The following PARP8 variants were observed in gnomAD, a reference collection of about 807,000 sequenced individuals.
The protein encoded by PARP8 is protein mono-ADP-ribosyltransferase PARP8.
PARP8 carries 51 observed loss-of-function variants against 124.1 expected under a neutral mutation model. The observed-to-expected ratio is 0.41, with a 90% CI of 0.33 to 0.52. The LOEUF is 0.52. Among genes scored for constraint, PARP8 ranks in the 20% least tolerant of loss-of-function variants. The probability of loss-of-function intolerance (pLI) is 0.21; values close to 1 mark genes in which losing one functional copy is unlikely to be tolerated. For synonymous variants in PARP8, 391 were observed against 361.5 expected (o/e 1.08, Z -0.93); for missense variants, 860 against 1,018.9 (o/e 0.84, Z 2.12).
chr5:50,769,461 AGTT>A lies in PARP8; in HGVS notation c.518+6225_518+6227del, dbSNP rs1432463683. Among the ~76,000 whole-genome samples the A allele has an allele frequency of 7.2e-5, 11 of 152,240 alleles. No homozygotes were observed. In the Middle Eastern group the frequency reaches 0.01, roughly 141 times the overall value. On this transcript the variant is annotated intron_variant, in intron 7 of 25. Coordinates refer to ENST00000281631, the MANE Select transcript of PARP8 (RefSeq NM_024615.4). ...TGATAACCTGGCTGGTGTAATTATA[AGTT>A]GTTGTAACCATTTAAAAAGTAACTA...
At chr5:50,764,677 G>A (rs1467054789) in intron 7 of PARP8, among the ~76,000 whole-genome samples, 2 of 152,106 alleles carry the variant, frequency 1.3e-5, no homozygotes, top group Non-Finnish European at 2.9e-5. Context: ...CAAATTAGCT[G>A]CAATAATTTT....
rs1326299410 is a variant in PARP8 at position 50,684,988 on chromosome 5, C to G, written c.146+16863C>G. Among the ~76,000 whole-genome samples, 23 of 152,316 alleles carry G rather than the reference C, an allele frequency of 1.5e-4. No homozygotes were observed. In the East Asian group the frequency reaches 3.5e-3, roughly 23 times the overall value. ...CCACTTAGAAAACAGTTGCTTGAGA[C>G]TACTTCACTGTAAAGCTCCTTTTTT... is the stretch of plus-strand genomic sequence containing the variant. On this transcript the variant is annotated intron_variant, in intron 2 of 25. Transcript: ENST00000281631.
intron 2 of PARP8, among the ~76,000 whole-genome samples, chr5:50,743,088 C>T (rs1175639048): frequency 6.6e-6 from 1 of 152,068 alleles, no homozygotes; most frequent in Non-Finnish European, 1.5e-5. Flanking sequence ...GAAGGGGAGC[C>T]ATTCACTCCA....
chr5:50,821,447 A>C, intron 16 of PARP8, 109 bp downstream of exon 16: 21 of 1,187,516 alleles, frequency 1.8e-5, no homozygotes, highest in East Asian at 2.4e-5. Flanking sequence ...TCTCTATCTC[A>C]TCAAGCATAT....
Position 50,822,416 on chromosome 5 carries a change from G to T in PARP8, c.1860+16G>T. The T allele has an allele frequency of 6.4e-7, 1 of 1,569,514 alleles. No individual in the cohort carries two copies. The highest frequency in any genetic ancestry group is 8.8e-7 in the Non-Finnish European group (1 of 1,141,600). Reference sequence around the variant, plus strand: ...AATGACACAAGTAAGTATGTCATCTGGTCTTGTACAGTATATTTTTAAAAT... The same window carrying T: ...AATGACACAAGTAAGTATGTCATCTTGTCTTGTACAGTATATTTTTAAAAT... On this transcript the variant is annotated intron_variant, in intron 17 of 25. Coordinates refer to ENST00000281631, the MANE Select transcript of PARP8 (RefSeq NM_024615.4).
intron 9 of PARP8, among the ~76,000 whole-genome samples, chr5:50,779,299 A>G (rs1740398355): frequency 6.6e-6 from 1 of 151,946 alleles, no homozygotes; most frequent in African/African-American, 2.4e-5. Context: ...AAATCCTAAA[A>G]CTTAGTGGCT....
intron 17 of PARP8, among the ~76,000 whole-genome samples, chr5:50,824,145 G>A (rs764072554): frequency 2.6e-5 from 4 of 152,192 alleles, no homozygotes; most frequent in African/African-American, 7.2e-5. Context: ...AGAAGGCTTC[G>A]TCTTAGGTAA....
At chr5:50,763,053 T>C in intron 6 of PARP8, 95 bp from the exon 7 acceptor site, 1 of 836,550 alleles carries the variant, frequency 1.2e-6, no homozygotes, top group Non-Finnish European at 2.0e-6. Context: ...AAAATGCCCA[T>C]GGCAAAATGC....
At chr5:50,733,959 C>G (rs1757239807) in intron 2 of PARP8, among the ~76,000 whole-genome samples, 1 of 152,150 alleles carries the variant, frequency 6.6e-6, no homozygotes, top group Non-Finnish European at 1.5e-5. Context: ...TTATGTATAG[C>G]ATTTCCTTAT....
Position 50,836,263 on chromosome 5 carries a change from T to C in PARP8, c.2462+1248T>C, listed in dbSNP as rs1323873252. Among the ~76,000 whole-genome samples the C allele has an allele frequency of 2.0e-5, 3 of 152,266 alleles. No individual in the cohort carries two copies. In the East Asian group the frequency reaches 5.8e-4, roughly 29 times the overall value. ...TCAGATAGTTTGAATCCTGGCTGAA[T>C]AGTAATTAGTAAGATGATATTGCCT... On this transcript the variant is annotated intron_variant, in intron 25 of 25. Coordinates refer to ENST00000281631, the MANE Select transcript of PARP8 (RefSeq NM_024615.4).
intron 15 of PARP8, among the ~76,000 whole-genome samples, chr5:50,819,329 A>G (rs921384447): frequency 6.6e-6 from 1 of 151,638 alleles, no homozygotes; most frequent in African/African-American, 2.4e-5. Flanking sequence ...CTTCAATTGC[A>G]TAGTAGGACA....
At chr5:50,804,419 A>G (rs1469842557) in intron 14 of PARP8, among the ~76,000 whole-genome samples, 4 of 152,168 alleles carry the variant, frequency 2.6e-5, no homozygotes, top group Non-Finnish European at 1.5e-5. Flanking sequence ...AGATTGGATT[A>G]GGGTAAATTT....
intron 2 of PARP8, among the ~76,000 whole-genome samples, chr5:50,736,785 C>G (rs1196298414): frequency 6.6e-6 from 1 of 152,066 alleles, no homozygotes; most frequent in Non-Finnish European, 1.5e-5. Flanking sequence ...TAGAATTTCT[C>G]TCCTGTGATC....
At chr5:50,833,721 T>G (rs1747249006) in intron 23 of PARP8, among the ~76,000 whole-genome samples, 2 of 152,174 alleles carry the variant, frequency 1.3e-5, no homozygotes, top group Admixed American at 6.6e-5. Context: ...TGAGTTCTAA[T>G]TCTGTGTTGT....
intron 3 of PARP8, among the ~76,000 whole-genome samples, chr5:50,758,596 T>C (rs186454106): frequency 6.6e-6 from 1 of 152,318 alleles, no homozygotes; most frequent in African/African-American, 2.4e-5. Context: ...TAAGAACAAC[T>C]AATTTCTCCT....
At chr5:50,731,469 G>T (rs1756970011) in intron 2 of PARP8, among the ~76,000 whole-genome samples, 1 of 152,098 alleles carries the variant, frequency 6.6e-6, no homozygotes, top group Admixed American at 6.5e-5. Context: ...TGGGAAATAT[G>T]GTAGAGTTTA....
At chr5:50,689,769 T>C (rs924269336) in intron 2 of PARP8, among the ~76,000 whole-genome samples, 44 of 152,190 alleles carry the variant, frequency 2.9e-4, no homozygotes, top group African/African-American at 1.0e-3. Flanking sequence ...CCTCAGTTGG[T>C]AGAAGGGTCT....
intron 2 of PARP8, among the ~76,000 whole-genome samples, chr5:50,678,905 A>G (rs567320395): frequency 6.0e-4 from 92 of 152,268 alleles, no homozygotes; most frequent in African/African-American, 2.2e-3. Flanking sequence ...TCTTGTTGTG[A>G]GCAACATGAA....
At chr5:50,825,050 C>T in intron 18 of PARP8, 75 bp downstream of exon 18, 1 of 1,243,964 alleles carries the variant, frequency 8.0e-7, no homozygotes, top group Non-Finnish European at 1.2e-6. Context: ...AAAAACCAAA[C>T]AAACAAAAGT....
Sources: gnomAD v4.1 joint callset for allele counts (sites outside exome capture counted in the v4.1 genomes callset) on GRCh38, gnomAD v4.1.1 for gene constraint, MANE v1.5 for transcripts, NCBI Gene and HGNC (gene_info 2026-07-23, HGNC 2026-07-21) for gene names.